The following CPPED1 variants were observed in gnomAD, a reference collection of about 807,000 sequenced individuals.
CPPED1 encodes calcineurin like phosphoesterase domain containing 1, also known as serine/threonine-protein phosphatase CPPED1.
In CPPED1, 28 loss-of-function variants were observed where a neutral mutation model predicts 28.0. That is an observed-to-expected ratio of 1.00 (90% CI 0.74 to 1.37). The LOEUF (loss-of-function observed/expected upper bound fraction) is 1.37, where lower values mean the gene tolerates loss of function less well. CPPED1 is among the 40% of genes most tolerant of loss of function. The probability of loss-of-function intolerance (pLI) is 0.00; values close to 1 mark genes in which losing one functional copy is unlikely to be tolerated. For synonymous variants in CPPED1, 198 were observed against 180.2 expected (o/e 1.10, Z -0.79); for missense variants, 504 against 416.5 (o/e 1.21, Z -1.83).
At chr16:12,728,735 G>A (rs1191653172) in intron 2 of CPPED1, among the ~76,000 whole-genome samples, 1 of 152,144 alleles carries the variant, frequency 6.6e-6, no homozygotes, top group Non-Finnish European at 1.5e-5. Context: ...TGAGTACAAC[G>A]ACATCAAATG....
At chr16:12,755,759 C>T (rs759221286) in intron 2 of CPPED1, among the ~76,000 whole-genome samples, 1 of 152,174 alleles carries the variant, frequency 6.6e-6, no homozygotes, top group Non-Finnish European at 1.5e-5. Context: ...GGGACAGCGT[C>T]ATGTGAAATC....
chr16:12,666,253 G>A (rs2079825303), intron 3 of CPPED1, among the ~76,000 whole-genome samples: 1 of 152,198 alleles, frequency 6.6e-6, no homozygotes, highest in Admixed American at 6.5e-5. Context: ...GTCACAGGTA[G>A]GCTCAAAAAC....
chr16:12,684,428 TCAAA>T (rs998507909), intron 3 of CPPED1, among the ~76,000 whole-genome samples: 38 of 152,262 alleles, frequency 2.5e-4, no homozygotes, highest in African/African-American at 9.1e-4. Context: ...AGGATCCTGA[TCAAA>T]CACAATGTCT....
Position 12,664,638 on chromosome 16 carries a change from T to G in CPPED1, c.*248A>C. ...TTAGGAGAATTTATTCAAACATCCA[T>G]GCAGAGATAGTCTAATATTTTAAAA... is the stretch of plus-strand genomic sequence containing the variant. On this transcript the variant is annotated 3_prime_UTR_variant, in exon 4 of 4. Transcript: ENST00000381774. The surrounding 1 kb of genome is among the most constrained non-coding windows in gnomAD (Gnocchi z 4.2). 9.9e-6 allele frequency: 13 copies of G among 1,318,540 alleles called. No individual in the cohort carries two copies. Among genetic ancestry groups the G allele is most frequent in the Non-Finnish European group, 1.3e-5 (13 of 1,039,838 alleles). The allele number at this position is 1,318,540 out of a possible 1,614,324, so 81.7% of individuals were successfully genotyped here. A position where few individuals can be genotyped will look rare whatever the true frequency, so the allele number is the denominator to read the frequency against.
intron 2 of CPPED1, among the ~76,000 whole-genome samples, chr16:12,750,466 A>G (rs962992787): frequency 6.6e-6 from 1 of 152,164 alleles, no homozygotes; most frequent in African/African-American, 2.4e-5. Context: ...AGGGAGAGAG[A>G]CAGGGAAATG....
At chr16:12,774,039 A>G (rs900828025) in intron 2 of CPPED1, among the ~76,000 whole-genome samples, 1 of 152,198 alleles carries the variant, frequency 6.6e-6, no homozygotes, top group Non-Finnish European at 1.5e-5. Context: ...TCCACCCACA[A>G]TGCTGCGTTC....
At chr16:12,797,702 G>C (rs1011811172) in intron 1 of CPPED1, among the ~76,000 whole-genome samples, 12 of 151,908 alleles carry the variant, frequency 7.9e-5, no homozygotes, top group African/African-American at 2.9e-4. Flanking sequence ...GATAGCTGAT[G>C]AGCTTGAAAA....
intron 2 of CPPED1, among the ~76,000 whole-genome samples, chr16:12,766,375 A>G (rs12598406): frequency 6.6e-6 from 1 of 151,222 alleles, no homozygotes; most frequent in African/African-American, 2.5e-5. Flanking sequence ...GTGAAGGAAA[A>G]GGGGTTTAAT....
chr16:12,727,779 C>T (rs1329592535), intron 2 of CPPED1, among the ~76,000 whole-genome samples: 1 of 152,198 alleles, frequency 6.6e-6, no homozygotes, highest in African/African-American at 2.4e-5. Flanking sequence ...GACTTATGAA[C>T]ACACAGTTCG....
rs534258195 is a variant in CPPED1 at position 12,766,256 on chromosome 16, T to G, written c.289+14929A>C. On this transcript the variant is annotated intron_variant, in intron 2 of 3. Transcript: ENST00000381774. ...AAAAAAATACAAATATATATATATA[T>G]AGAGAGAGAGAGAGAGAGAGGGAGA... Among the ~76,000 whole-genome samples the G allele has an allele frequency of 3.8e-3, 509 of 134,272 alleles. 6 individuals are homozygous for G. The highest frequency in any genetic ancestry group is 6.6e-3 in the South Asian group (31 of 4,676). 88.1% of individuals were successfully genotyped at this position (134,272 alleles called of 152,430 possible).
At chr16:12,735,098 T>C (rs545734557) in intron 2 of CPPED1, among the ~76,000 whole-genome samples, 2 of 152,306 alleles carry the variant, frequency 1.3e-5, no homozygotes, top group South Asian at 4.1e-4. Flanking sequence ...AAGGCTTGTG[T>C]TGCCACTGTC....
At chr16:12,714,950 TTTGAG>T in intron 2 of CPPED1, among the ~76,000 whole-genome samples, 1 of 123,036 alleles carries the variant, frequency 8.1e-6, no homozygotes, top group African/African-American at 2.8e-5. Context: ...TTTGATCCAT[TTTGAG>T]TTCATTTTTT....
intron 2 of CPPED1, among the ~76,000 whole-genome samples, chr16:12,727,230 G>C (rs2080174829): frequency 6.6e-6 from 1 of 152,134 alleles, no homozygotes; most frequent in Non-Finnish European, 1.5e-5. Context: ...AGGCATTCTG[G>C]CTGGTGGCAA....
intron 2 of CPPED1, among the ~76,000 whole-genome samples, chr16:12,747,302 G>A (rs528919289): frequency 1.6e-4 from 25 of 151,946 alleles, no homozygotes; most frequent in African/African-American, 6.0e-4. Context: ...CACAATGACT[G>A]GCATCTGTAG....
chr16:12,774,497 T>C (rs566317490), intron 2 of CPPED1, among the ~76,000 whole-genome samples: 1 of 152,104 alleles, frequency 6.6e-6, no homozygotes, highest in African/African-American at 2.4e-5. Flanking sequence ...CAGAGTCATC[T>C]GCCTTATTAA....
intron 2 of CPPED1, among the ~76,000 whole-genome samples, chr16:12,716,052 C>T (rs894537759): frequency 1.3e-5 from 2 of 152,140 alleles, no homozygotes; most frequent in Admixed American, 6.5e-5. Flanking sequence ...ATGGACTGAA[C>T]AGAACTATGA....
At chr16:12,733,911 GA>G (rs111419586) in intron 2 of CPPED1, among the ~76,000 whole-genome samples, 3 of 148,780 alleles carry the variant, frequency 2.0e-5, no homozygotes, top group Non-Finnish European at 3.0e-5. Flanking sequence ...AAAACAAAAT[GA>G]AAAAAAAACT....
intron 3 of CPPED1, 58 bp from the exon 4 acceptor site, chr16:12,665,173 G>A: frequency 2.7e-6 from 4 of 1,494,544 alleles, no homozygotes; most frequent in Non-Finnish European, 3.6e-6. Flanking sequence ...GTAACCTAGG[G>A]TCTCCAGCAT....
chr16:12,750,144 A>C (rs1429698905), intron 2 of CPPED1, among the ~76,000 whole-genome samples: 1 of 152,196 alleles, frequency 6.6e-6, no homozygotes, highest in Non-Finnish European at 1.5e-5. Flanking sequence ...AACTTTCTCC[A>C]TATCAGCAAT....
Sources: gnomAD v4.1 joint callset for allele counts (sites outside exome capture counted in the v4.1 genomes callset) on GRCh38, gnomAD v4.1.1 for gene constraint, Gnocchi (gnomAD v3.1) non-coding constraint, MANE v1.5 for transcripts, NCBI Gene and HGNC (gene_info 2026-07-23, HGNC 2026-07-21) for gene names.